The following APBA2 variants were observed in gnomAD, a reference collection of about 807,000 sequenced individuals.
The protein encoded by APBA2 is amyloid-beta A4 precursor protein-binding family A member 2.
APBA2 carries 30 observed loss-of-function variants against 75.0 expected under a neutral mutation model. That is an observed-to-expected ratio of 0.40 (90% CI 0.30 to 0.54). The LOEUF (loss-of-function observed/expected upper bound fraction) is 0.54. Ranked by LOEUF, APBA2 falls within the 20% of genes least tolerant of loss-of-function variation. The probability of loss-of-function intolerance (pLI) is 0.49; values close to 1 mark genes in which losing one functional copy is unlikely to be tolerated. For missense variants in APBA2, 801 were observed against 1,016.1 expected, an observed-to-expected ratio of 0.79 and a Z score of 2.88; for synonymous variants, 444 against 409.6, an observed-to-expected ratio of 1.08 and a Z score of -1.01.
chr15:29,097,023 A>C (rs186134628), intron 8 of APBA2, among the ~76,000 whole-genome samples: 1 of 152,370 alleles, frequency 6.6e-6, no homozygotes, highest in Admixed American at 6.5e-5. Context: ...CAGTGGCTAC[A>C]GGTGACGAAT....
chr15:28,929,340 T>C (rs544906519), intron 2 of APBA2, among the ~76,000 whole-genome samples: 10 of 152,314 alleles, frequency 6.6e-5, no homozygotes, highest in East Asian at 3.9e-4. Context: ...CACCTGGCTA[T>C]GGGTGGCTGC....
intron 12 of APBA2, among the ~76,000 whole-genome samples, chr15:29,107,701 A>C (rs879296076): frequency 1.2e-4 from 19 of 152,106 alleles, no homozygotes; most frequent in Non-Finnish European, 2.5e-4. Flanking sequence ...TGCAGCTCCC[A>C]GGTGGAGGCT....
intron 3 of APBA2, among the ~76,000 whole-genome samples, chr15:29,010,183 A>G (rs1382113740): frequency 6.6e-6 from 1 of 152,154 alleles, no homozygotes; most frequent in Non-Finnish European, 1.5e-5. Context: ...GTGCTTTTCG[A>G]AACCTTCTCT....
At chr15:29,073,437 G>A (rs1345436700) in intron 4 of APBA2, among the ~76,000 whole-genome samples, 3 of 152,148 alleles carry the variant, frequency 2.0e-5, no homozygotes, top group African/African-American at 7.2e-5. Flanking sequence ...TGCAACCTCC[G>A]CCTCTCAGGC....
intron 2 of APBA2, among the ~76,000 whole-genome samples, chr15:28,948,546 C>A (rs1041773120): frequency 7.2e-5 from 11 of 152,142 alleles, no homozygotes; most frequent in Non-Finnish European, 1.2e-4. Context: ...AGTTTTGTCC[C>A]CGCAGCTTCA....
intron 4 of APBA2, among the ~76,000 whole-genome samples, chr15:29,069,304 A>G (rs1164152531): frequency 6.6e-6 from 1 of 152,256 alleles, no homozygotes; most frequent in Non-Finnish European, 1.5e-5. Flanking sequence ...TAATGTGAAT[A>G]GTGCCACTGT....
intron 4 of APBA2, among the ~76,000 whole-genome samples, chr15:29,059,505 G>A (rs1220511714): frequency 1.3e-5 from 2 of 152,136 alleles, no homozygotes; most frequent in Non-Finnish European, 2.9e-5. Context: ...GAAAACCCAA[G>A]AACTTTACTG....
intron 3 of APBA2, among the ~76,000 whole-genome samples, chr15:29,009,658 T>A (rs1045003835): frequency 6.6e-6 from 1 of 151,132 alleles, no homozygotes; most frequent in Non-Finnish European, 1.5e-5. Context: ...AATTTTTTTT[T>A]AAATAAATGA....
chr15:28,956,645 G>C (rs1055273045), intron 2 of APBA2, among the ~76,000 whole-genome samples: 1 of 151,878 alleles, frequency 6.6e-6, no homozygotes, highest in Non-Finnish European at 1.5e-5. Context: ...TTACACGGTT[G>C]TGCAACCATC....
At chr15:28,993,201 G>T (rs1212718816) in intron 2 of APBA2, among the ~76,000 whole-genome samples, 1 of 152,160 alleles carries the variant, frequency 6.6e-6, no homozygotes, top group African/African-American at 2.4e-5. Context: ...CTGCCCCCAG[G>T]GACTTCCCGG....
At chr15:29,032,357 A>G (rs2040531267) in intron 3 of APBA2, among the ~76,000 whole-genome samples, 1 of 152,216 alleles carries the variant, frequency 6.6e-6, no homozygotes, top group African/African-American at 2.4e-5. Flanking sequence ...TGAAGGCCTT[A>G]AGACCAAAGG....
At chr15:28,969,662 G>A (rs2036959898) in intron 2 of APBA2, among the ~76,000 whole-genome samples, 1 of 152,186 alleles carries the variant, frequency 6.6e-6, no homozygotes. Flanking sequence ...GCTTTGGCAA[G>A]GTGTCCGGAG....
chr15:28,959,140 C>T (rs1388635439), intron 2 of APBA2, among the ~76,000 whole-genome samples: 5 of 152,122 alleles, frequency 3.3e-5, no homozygotes, highest in Admixed American at 6.5e-5. Context: ...AGGTGCATGC[C>T]GCCATGCCCA....
intron 2 of APBA2, among the ~76,000 whole-genome samples, chr15:28,947,400 T>C (rs1055290581): frequency 6.6e-6 from 1 of 152,116 alleles, no homozygotes; most frequent in Non-Finnish European, 1.5e-5. Context: ...GGAGTATCCT[T>C]GAGAGGCTGT....
chr15:28,918,118 G>T lies in APBA2; in HGVS notation c.-204-3522G>T, dbSNP rs540748422. 2.0e-5 allele frequency among the ~76,000 whole-genome samples: 3 copies of T among 152,316 alleles called. No individual in the cohort carries two copies. In the South Asian group the frequency reaches 6.2e-4, roughly 32 times the overall value. On this transcript the variant is annotated intron_variant, in intron 1 of 14. Transcript: ENST00000683413. The surrounding 1 kb of genome is among the most constrained non-coding windows in gnomAD (Gnocchi z 4.2). ...CTGAGCACTTGGGAGGCATAGGCTCGGCGGGAAGGGAAGGCCTGCAGGCTG... is the reference window on the plus strand; with the variant it reads ...CTGAGCACTTGGGAGGCATAGGCTCTGCGGGAAGGGAAGGCCTGCAGGCTG...
Position 28,904,163 on chromosome 15 carries a change from C to T in APBA2, c.-204-17477C>T, listed in dbSNP as rs141077071. Reference sequence around the variant, plus strand: ...ATTGGAAAACAGAGATAGCAGAAAGCGAAAGGAGGAAGCTTTGAGATACCA... The same window carrying T: ...ATTGGAAAACAGAGATAGCAGAAAGTGAAAGGAGGAAGCTTTGAGATACCA... On this transcript the variant is annotated intron_variant, in intron 1 of 14. Coordinates refer to ENST00000683413, the MANE Select transcript of APBA2 (RefSeq NM_001353788.2). Among the ~76,000 whole-genome samples the T allele has an allele frequency of 5.9e-5, 9 of 152,202 alleles. No homozygotes were observed. The East Asian group carries it at 1.6e-3, about 26-fold the overall frequency.
rs1354886881 is a variant in APBA2, at chr15:29,054,605, A to C, written c.721A>C (p.Ser241Arg). 6.2e-7 allele frequency: 1 copy of C among 1,614,134 alleles called. No homozygotes were observed. Among genetic ancestry groups the C allele is most frequent in the Admixed American group, 1.7e-5 (1 of 60,020 alleles). The change falls in exon 4 of 15, where the codon AGC becomes CGC. Residue 241 changes from serine to arginine, a missense_variant. Ser to Arg is a moderately radical substitution (Grantham distance 110). Transcript: ENST00000683413. The surrounding 1 kb of genome is among the most constrained non-coding windows in gnomAD (Gnocchi z 6.1). ...AEIKMSLSMT[S>R]ITSASEASPE... ...GATCAAGATGAGTCTGAGCATGACCAGCATCACCAGCGCCAGTGAGGCCAG... is the reference window on the plus strand; with the variant it reads ...GATCAAGATGAGTCTGAGCATGACCCGCATCACCAGCGCCAGTGAGGCCAG...
chr15:29,101,766 T>C lies in APBA2; in HGVS notation c.1506T>C (p.His502=), dbSNP rs374089842. The change falls in exon 10 of 15, where the codon CAT becomes CAC. Residue 502 remains histidine (H), a synonymous_variant. Coordinates refer to ENST00000683413, the MANE Select transcript of APBA2 (RefSeq NM_001353788.2). ...EGKKQYKMIC[H]VFESEDAQLI... ...AGAAGCAGTATAAGATGATCTGCCA[T>C]GTGTTCGAGTCGGAGGATGTAAGTA... The C allele has an allele frequency of 5.5e-5, 88 of 1,613,378 alleles. No individual in the cohort carries two copies. The highest frequency in any genetic ancestry group is 7.1e-5 in the Non-Finnish European group (84 of 1,179,978).
chr15:29,100,078 C>T (rs1182947079), intron 9 of APBA2, among the ~76,000 whole-genome samples: 1 of 152,104 alleles, frequency 6.6e-6, no homozygotes, highest in Non-Finnish European at 1.5e-5. Flanking sequence ...CTGGGAAGGC[C>T]AAAGTAGCCA....
Sources: gnomAD v4.1 joint callset for allele counts (sites outside exome capture counted in the v4.1 genomes callset) on GRCh38, gnomAD v4.1.1 for gene constraint, Gnocchi (gnomAD v3.1) non-coding constraint, MANE v1.5 for transcripts, NCBI Gene and HGNC (gene_info 2026-07-23, HGNC 2026-07-21) for gene names.